IQGAP2: variants seen among roughly 807,000 people sequenced by gnomAD.
IQGAP2 encodes the protein IQ motif containing GTPase activating protein 2, also known as ras GTPase-activating-like protein IQGAP2.
Under a neutral mutation model 201.3 loss-of-function variants are expected in IQGAP2, and 173 were observed. That is an observed-to-expected ratio of 0.86 (90% confidence interval 0.76 to 0.98). The LOEUF (loss-of-function observed/expected upper bound fraction) is 0.98. Among genes scored for constraint, IQGAP2 ranks in the 50% least tolerant of loss-of-function variants. The pLI, the probability that IQGAP2 is intolerant of heterozygous loss-of-function variation, is 0.00. For missense variants in IQGAP2, 1,687 were observed against 1,864.8 expected (o/e 0.90, Z 1.76); for synonymous variants, 675 against 673.9 (o/e 1.00, Z -0.03).
At chr5:76,626,564 C>T (rs961736335) in intron 13 of IQGAP2, among the ~76,000 whole-genome samples, 1 of 152,120 alleles carries the variant, frequency 6.6e-6, no homozygotes, top group African/African-American at 2.4e-5. Flanking sequence ...AGCCACCATG[C>T]CCAGCTATAT....
intron 18 of IQGAP2, among the ~76,000 whole-genome samples, chr5:76,653,346 G>A (rs1478049251): frequency 6.6e-6 from 1 of 152,234 alleles, no homozygotes; most frequent in Non-Finnish European, 1.5e-5. Flanking sequence ...CTGAAAGCCA[G>A]AGGACTGGAC....
intron 22 of IQGAP2, among the ~76,000 whole-genome samples, chr5:76,667,877 C>CTTTTTTTTTTTTTTTTTTTTTTTT (rs540744402): frequency 6.5e-5 from 8 of 123,428 alleles, no homozygotes; most frequent in African/African-American, 2.5e-4. Context: ...AGTCCACTTT[C>CTTTTTTTTTTTTTTTTTTTTTTTT]TTTTTTTTTT....
chr5:76,476,094 G>A (rs1281694008), intron 2 of IQGAP2, among the ~76,000 whole-genome samples: 1 of 152,156 alleles, frequency 6.6e-6, no homozygotes, highest in African/African-American at 2.4e-5. Flanking sequence ...TCCAAGATTT[G>A]GAAGCCTTGA....
intron 35 of IQGAP2, among the ~76,000 whole-genome samples, chr5:76,706,347 TTTG>T (rs1747891833): frequency 6.6e-6 from 1 of 152,028 alleles, no homozygotes; most frequent in Admixed American, 6.6e-5. Flanking sequence ...TGTTTTTGTT[TTTG>T]TTTTTCGGGT....
intron 2 of IQGAP2, among the ~76,000 whole-genome samples, chr5:76,550,926 G>C (rs188573116): frequency 2.6e-5 from 4 of 151,140 alleles, no homozygotes; most frequent in African/African-American, 9.7e-5. Flanking sequence ...CACACGGGGC[G>C]GCCAGGCAGA....
Position 76,695,510 on chromosome 5 carries a change from A to G in IQGAP2, c.4050A>G (p.Pro1350=), listed in dbSNP as rs1452004972. The G allele has an allele frequency of 2.5e-6, 4 of 1,614,114 alleles. No homozygotes were observed. Among genetic ancestry groups the G allele is most frequent in the Non-Finnish European group, 2.5e-6 (3 of 1,180,038 alleles). ...GTGCAATGATAGATTCCAGGACTCC[A>G]GAAGAAATGAAGCATAGCCAATCTA... ...VSRAMIDSRT[P]EEMKHSQSMI... is the part of the protein sequence containing the mutation. Residue 1350 remains proline (P), a synonymous_variant, in exon 32 of 36, where the codon CCA becomes CCG. Transcript: ENST00000274364.
At chr5:76,519,274 C>T (rs1471722081) in intron 2 of IQGAP2, among the ~76,000 whole-genome samples, 1 of 152,174 alleles carries the variant, frequency 6.6e-6, no homozygotes, top group Non-Finnish European at 1.5e-5. Flanking sequence ...TATGGTTTTA[C>T]TTTTTCCAGA....
At chr5:76,647,283 G>A (rs1752122579) in intron 17 of IQGAP2, among the ~76,000 whole-genome samples, 1 of 152,158 alleles carries the variant, frequency 6.6e-6, no homozygotes, top group African/African-American at 2.4e-5. Context: ...ACATAGTGGT[G>A]AGTTCTTTGA....
rs758216066 is a variant in IQGAP2, at chr5:76,698,086, GA to G, written c.4308del (p.Glu1437SerfsTer10). 1 of 1,612,236 alleles carries G rather than the reference GA, an allele frequency of 6.2e-7. No individual in the cohort carries two copies. The highest frequency in any genetic ancestry group is 1.3e-5 in the African/African-American group (1 of 74,902). On this transcript the variant is annotated frameshift_variant, in exon 33 of 36. Transcript: ENST00000274364. LOFTEE classifies it high-confidence loss of function. ...ACTTAACAAGAAGGCAGCATTTTAT[GA>G]AGAGCAAATCAATTATTATGACACC... Reference protein sequence around the residue: ...NALNKKAAFYEEQINYYDTYI... With the variant: ...NALNKKAAFYXEQINYYDTYI...
chr5:76,701,345 T>A, intron 34 of IQGAP2, 132 bp downstream of exon 34: 7 of 817,390 alleles, frequency 8.6e-6, no homozygotes, highest in Non-Finnish European at 1.4e-5. Flanking sequence ...ATACACAAAT[T>A]GTTATGGCTA....
At position 76,687,365 on chromosome 5, in the gene IQGAP2, A is replaced by C. The variant is rs79970760; in HGVS notation, c.3905+3448A>C. Among the ~76,000 whole-genome samples the C allele has an allele frequency of 9.8e-5, 15 of 152,364 alleles. No individual in the cohort carries two copies. In the East Asian group the frequency reaches 2.9e-3, roughly 29 times the overall value. ...CAAAAGGTTCAATAGAATTAGTTCT[A>C]TGATTTTAGCCAAGCCCTGCTTCTA... On this transcript the variant is annotated intron_variant, in intron 30 of 35. Coordinates refer to ENST00000274364, the MANE Select transcript of IQGAP2 (RefSeq NM_006633.5).
intron 13 of IQGAP2, among the ~76,000 whole-genome samples, chr5:76,626,270 C>CTTTTTTTTT (rs34251090): frequency 0.011 from 930 of 83,666 alleles, 11 homozygotes; most frequent in Middle Eastern, 0.015. Flanking sequence ...TTCTTCTTTT[C>CTTTTTTTTT]TTTTTTTTTT....
chr5:76,422,245 A>G (rs1359109823), intron 1 of IQGAP2, among the ~76,000 whole-genome samples: 1 of 152,150 alleles, frequency 6.6e-6, no homozygotes, highest in Non-Finnish European at 1.5e-5. Flanking sequence ...TGTGGCCTTA[A>G]AGTAAGCAGA....
intron 2 of IQGAP2, among the ~76,000 whole-genome samples, chr5:76,533,165 G>A (rs1759414363): frequency 6.6e-6 from 1 of 152,126 alleles, no homozygotes; most frequent in African/African-American, 2.4e-5. Context: ...AGGGCAGATG[G>A]GTGTTTTTTT....
rs1747488784 is a variant in IQGAP2, at chr5:76,702,464, A to C, written c.4506-18A>C. 8.8e-7 allele frequency: 1 copy of C among 1,139,952 alleles called. No individual in the cohort carries two copies. The highest frequency in any genetic ancestry group is 1.3e-6 in the Non-Finnish European group (1 of 750,534). 70.6% of individuals were successfully genotyped at this position (1,139,952 alleles called of 1,614,324 possible). ...TGTATTTGTAATTTCTCATGTATGAATGTTCCTTTCTTCACAGGTTTAAGA... is the reference window on the plus strand; with the variant it reads ...TGTATTTGTAATTTCTCATGTATGACTGTTCCTTTCTTCACAGGTTTAAGA... On this transcript the variant is annotated intron_variant, in intron 34 of 35. Coordinates refer to ENST00000274364, the MANE Select transcript of IQGAP2 (RefSeq NM_006633.5).
At chr5:76,652,924 G>A in intron 18 of IQGAP2, 91 bp downstream of exon 18, 1 of 842,134 alleles carries the variant, frequency 1.2e-6, no homozygotes, top group East Asian at 2.5e-5. Flanking sequence ...AGAAAGGGAG[G>A]GTACATGTGA....
At chr5:76,473,926 C>T (rs573526430) in intron 2 of IQGAP2, among the ~76,000 whole-genome samples, 4 of 152,232 alleles carry the variant, frequency 2.6e-5, no homozygotes, top group East Asian at 1.9e-4. Flanking sequence ...AGTCATAAAA[C>T]GGTATCATTA....
At chr5:76,630,857 C>T (rs953697031) in intron 14 of IQGAP2, among the ~76,000 whole-genome samples, 35 of 164 alleles carry the variant, frequency 0.21, no homozygotes, top group Admixed American at 0.43. Flanking sequence ...AGAAGTTCTC[C>T]CCTTCATCTA....
At chr5:76,478,529 T>C (rs1301762215) in intron 2 of IQGAP2, among the ~76,000 whole-genome samples, 1 of 151,916 alleles carries the variant, frequency 6.6e-6, no homozygotes, top group Non-Finnish European at 1.5e-5. Context: ...CCTCAAGTGA[T>C]CCGCCCACCT....
Sources: allele counts gnomAD v4.1 joint callset (sites outside exome capture counted in the v4.1 genomes callset), GRCh38; gene constraint gnomAD v4.1.1; transcripts MANE v1.5; gene names NCBI Gene and HGNC (gene_info 2026-07-23, HGNC 2026-07-21).